The following LYPD6B variants were observed in gnomAD, a reference collection of about 807,000 sequenced individuals.
LYPD6B encodes the protein ly6/PLAUR domain-containing protein 6B.
Under a neutral mutation model 22.8 loss-of-function variants are expected in LYPD6B, and 17 were observed. The ratio of observed to expected loss-of-function variants is 0.75; its 90% CI spans 0.51 to 1.12. The LOEUF (loss-of-function observed/expected upper bound fraction) is 1.12. LYPD6B is among the 50% of genes most tolerant of loss of function. The pLI, the probability that LYPD6B is intolerant of heterozygous loss-of-function variation, is 0.00. For missense variants in LYPD6B, 221 were observed against 258.3 expected, an observed-to-expected ratio of 0.86 and a Z score of 0.99; for synonymous variants, 106 against 91.6, an observed-to-expected ratio of 1.16 and a Z score of -0.90.
At chr2:149,181,949 A>AG (rs1378386217) in intron 3 of LYPD6B, among the ~76,000 whole-genome samples, 2 of 152,190 alleles carry the variant, frequency 1.3e-5, no homozygotes, top group Admixed American at 1.3e-4. Flanking sequence ...TGGAACCAGG[A>AG]GAGAGCACCA....
At chr2:149,158,290 G>C (rs1689833280) in intron 2 of LYPD6B, among the ~76,000 whole-genome samples, 2 of 151,804 alleles carry the variant, frequency 1.3e-5, no homozygotes. Context: ...TTGATTCCAG[G>C]GTAAACAAAA....
At chr2:149,121,892 AGGACCCTG>A (rs1398198960) in intron 1 of LYPD6B, among the ~76,000 whole-genome samples, 7 of 152,204 alleles carry the variant, frequency 4.6e-5, no homozygotes, top group African/African-American at 1.7e-4. Context: ...CACCTGGCAC[AGGACCCTG>A]GGTGGTGCTG....
At chr2:149,099,077 A>G (rs2078160) in intron 1 of LYPD6B, among the ~76,000 whole-genome samples, 41,915 of 152,002 alleles carry the variant, frequency 0.28, 6,139 homozygotes, top group East Asian at 0.53. Flanking sequence ...CAAAATAAAC[A>G]AGCTTTGCTG....
At chr2:149,172,204 A>G (rs1160398561) in intron 3 of LYPD6B, among the ~76,000 whole-genome samples, 3 of 152,164 alleles carry the variant, frequency 2.0e-5, no homozygotes, top group Non-Finnish European at 4.4e-5. Context: ...TTATAAACTT[A>G]TTAGACCGTA....
intron 1 of LYPD6B, among the ~76,000 whole-genome samples, chr2:149,058,961 C>T (rs1011967576): frequency 1.3e-5 from 2 of 152,188 alleles, no homozygotes; most frequent in Non-Finnish European, 2.9e-5. Context: ...CTTTATGCTT[C>T]GTGATTGAGA....
intron 1 of LYPD6B, among the ~76,000 whole-genome samples, chr2:149,080,617 G>A (rs1261033506): frequency 1.3e-5 from 2 of 151,954 alleles, no homozygotes; most frequent in South Asian, 4.1e-4. Context: ...CAAGGTGGGC[G>A]GATCACCTGA....
chr2:149,076,764 G>A (rs916090159), intron 1 of LYPD6B, among the ~76,000 whole-genome samples: 1 of 152,126 alleles, frequency 6.6e-6, no homozygotes, highest in African/African-American at 2.4e-5. Context: ...ACCTTAAAAG[G>A]TAGAGGGAAA....
At chr2:149,081,128 G>T (rs374912611) in intron 1 of LYPD6B, among the ~76,000 whole-genome samples, 4 of 152,142 alleles carry the variant, frequency 2.6e-5, no homozygotes, top group African/African-American at 9.7e-5. Context: ...GCTGGGCCTT[G>T]TTTGTTTACT....
intron 1 of LYPD6B, among the ~76,000 whole-genome samples, chr2:149,080,084 C>A (rs1029641329): frequency 1.3e-5 from 2 of 152,160 alleles, no homozygotes; most frequent in Non-Finnish European, 2.9e-5. Context: ...AAACTGGTGG[C>A]TTAAGCAACA....
At chr2:149,043,870 C>T (rs1204646873) in intron 1 of LYPD6B, among the ~76,000 whole-genome samples, 1 of 152,026 alleles carries the variant, frequency 6.6e-6, no homozygotes, top group Non-Finnish European at 1.5e-5. Flanking sequence ...GTTCCAGCAC[C>T]ATTTGTTGAA....
In LYPD6B at chr2:149,118,912, G is replaced by A. The variant is rs143793191; in HGVS notation, c.-66-11971G>A. Among the ~76,000 whole-genome samples the A allele has an allele frequency of 3.6e-3, 554 of 152,200 alleles. 4 individuals carry two copies. Among genetic ancestry groups the A allele is most frequent in the African/African-American group, 0.012 (498 of 41,528 alleles). The stretch of plus-strand genomic sequence containing the variant: ...TTTGGGCATCAGAAAGTTGAAAAGC[G>A]GTAGAGTTGTGTATTACCTGGAAGG... On this transcript the variant is annotated intron_variant, in intron 1 of 6. Transcript: ENST00000409642.
At chr2:149,198,028 C>G (rs538874799) in intron 3 of LYPD6B, among the ~76,000 whole-genome samples, 1 of 144,678 alleles carries the variant, frequency 6.9e-6, no homozygotes, top group African/African-American at 2.6e-5. Flanking sequence ...AACATCTAAG[C>G]TTTTCTTTTT....
At chr2:149,134,560 T>C (rs1383886103) in intron 2 of LYPD6B, among the ~76,000 whole-genome samples, 2 of 152,222 alleles carry the variant, frequency 1.3e-5, no homozygotes, top group Non-Finnish European at 2.9e-5. Flanking sequence ...CTAGAGAGTA[T>C]TCATCTGAAA....
intron 1 of LYPD6B, among the ~76,000 whole-genome samples, chr2:149,096,668 C>T (rs948112405): frequency 1.3e-5 from 2 of 152,186 alleles, no homozygotes; most frequent in Admixed American, 1.3e-4. Flanking sequence ...AATTAAACCT[C>T]TGAATATCCC....
At chr2:149,154,259 AAC>A (rs1246644175) in intron 2 of LYPD6B, among the ~76,000 whole-genome samples, 4 of 152,080 alleles carry the variant, frequency 2.6e-5, no homozygotes, top group African/African-American at 9.6e-5. Context: ...GAAAGGAAGG[AAC>A]ACACAGACAC....
At chr2:149,088,209 C>T (rs377291651) in intron 1 of LYPD6B, among the ~76,000 whole-genome samples, 1 of 152,018 alleles carries the variant, frequency 6.6e-6, no homozygotes, top group East Asian at 1.9e-4. Context: ...CTTCTAGAAC[C>T]TTCTAAGACA....
At chr2:149,156,016 T>G (rs1689677605) in intron 2 of LYPD6B, among the ~76,000 whole-genome samples, 2 of 152,206 alleles carry the variant, frequency 1.3e-5, no homozygotes, top group Admixed American at 1.3e-4. Context: ...CTTCCTTTTC[T>G]TTTCAGAAAG....
intron 5 of LYPD6B, among the ~76,000 whole-genome samples, chr2:149,212,297 G>A (rs1190624318): frequency 7.1e-6 from 1 of 141,314 alleles, no homozygotes; most frequent in East Asian, 2.3e-4. Flanking sequence ...AAGGAGAATG[G>A]TGTGAACCCG....
At chr2:149,132,009 A>T (rs1688059375) in intron 2 of LYPD6B, among the ~76,000 whole-genome samples, 1 of 151,990 alleles carries the variant, frequency 6.6e-6, no homozygotes, top group Admixed American at 6.6e-5. Context: ...AGAGGGGAAA[A>T]GACATGCCAA....
Sources: gnomAD v4.1 joint callset for allele counts (sites outside exome capture counted in the v4.1 genomes callset) on GRCh38, gnomAD v4.1.1 for gene constraint, MANE v1.5 for transcripts, NCBI Gene and HGNC (gene_info 2026-07-23, HGNC 2026-07-21) for gene names.